The following DCLRE1B variants were observed in gnomAD, a reference collection of about 807,000 sequenced individuals.
The protein encoded by DCLRE1B is 5' exonuclease Apollo.
In DCLRE1B, 6 loss-of-function variants were observed where a neutral mutation model predicts 19.8. The ratio of observed to expected loss-of-function variants is 0.30; its 90% CI spans 0.17 to 0.60. The LOEUF is 0.60. Among genes scored for constraint, DCLRE1B ranks in the 20% least tolerant of loss-of-function variants. DCLRE1B has a pLI of 0.87. For missense variants in DCLRE1B, 622 were observed against 654.2 expected (o/e 0.95, Z 0.54); for synonymous variants, 258 against 255.7 (o/e 1.01, Z -0.09).
At chr1:113,906,874 C>T in intron 1 of DCLRE1B, 122 bp from the exon 2 acceptor site, 1 of 1,061,234 alleles carries the variant, frequency 9.4e-7, no homozygotes, top group Non-Finnish European at 1.4e-6. Context: ...CCCATTACAG[C>T]TTCTGCTCCC....
Position 113,905,327 on chromosome 1 carries a change from C to CT in DCLRE1B, c.-257dup. The CT allele has an allele frequency of 6.1e-6, 3 of 494,748 alleles. No homozygotes were observed. The South Asian group carries it at 7.8e-5, about 13-fold the overall frequency. 30.6% of individuals were successfully genotyped at this position (494,748 alleles called of 1,614,324 possible). ...GCCTGTCTCCTCCCTGCAGCGCGCGCTTTGAGTGCCCGGCTCGGCCTCCGC... is the reference window on the plus strand; with the variant it reads ...GCCTGTCTCCTCCCTGCAGCGCGCGCTTTTGAGTGCCCGGCTCGGCCTCCGC... On this transcript the variant is annotated 5_prime_UTR_variant, in exon 1 of 4. Transcript: ENST00000650450.
In DCLRE1B at chr1:113,913,633, A is replaced by G. The variant is rs768246050; in HGVS notation, c.*1442A>G. ...GAGATTCCTACCTCTCATGATTACT[A>G]TGGAGATTGAATAATTGGTAAAATT... On this transcript the variant is annotated 3_prime_UTR_variant, in exon 4 of 4. Transcript: ENST00000650450. 1.3e-5 allele frequency: 2 copies of G among 152,826 alleles called. No individual in the cohort carries two copies. Among genetic ancestry groups the G allele is most frequent in the Non-Finnish European group, 2.9e-5 (2 of 68,028 alleles). The allele number at this position is 152,826 out of a possible 1,614,324, so 9.5% of individuals were successfully genotyped here.
At position 113,905,683 on chromosome 1, in the gene DCLRE1B, C is replaced by T; in HGVS notation, c.97C>T (p.His33Tyr). The part of the protein sequence containing the change: ...TARLFFLSHM[H>Y]SDHTVGLSST... ...ACGTCTCTTCTTCTTGTCTCACATG[C>T]ACTCGGACCACACCGTGGGCCTGTC... The change falls in exon 1 of 4, where the codon CAC becomes TAC. Residue 33 changes from histidine (H) to tyrosine (Y), a missense_variant. Physicochemically the swap from His to Tyr is moderately conservative, Grantham distance 83. Coordinates refer to ENST00000650450, the MANE Select transcript of DCLRE1B (RefSeq NM_022836.4). 6.2e-7 allele frequency: 1 copy of T among 1,614,190 alleles called. No homozygotes were observed. The highest frequency in any genetic ancestry group is 8.5e-7 in the Non-Finnish European group (1 of 1,180,036).
At position 113,908,401 on chromosome 1, in the gene DCLRE1B, C is replaced by T. The variant is rs150663390; in HGVS notation, c.538+210C>T. Among the ~76,000 whole-genome samples, 429 of 152,268 alleles carry T rather than the reference C, an allele frequency of 2.8e-3. 2 individuals carry two copies. The highest frequency in any genetic ancestry group is 9.5e-3 in the African/African-American group (395 of 41,544). ...GATGGGAGGGTCATTTGAGCCCAGGCGTTTGAGACCAGCTTGGGCAACATG... is the reference window on the plus strand; with the variant it reads ...GATGGGAGGGTCATTTGAGCCCAGGTGTTTGAGACCAGCTTGGGCAACATG... On this transcript the variant is annotated intron_variant, in intron 3 of 3. Coordinates refer to ENST00000650450, the MANE Select transcript of DCLRE1B (RefSeq NM_022836.4).
rs759123178 is a variant in DCLRE1B at position 113,911,569 on chromosome 1, A to T, written c.977A>T (p.Tyr326Phe). ...CTGATTCCGGACTCTGTACAGCAAT[A>T]CATGAGTTCTTCCTCTAGAAAACCA... is the stretch of plus-strand genomic sequence containing the variant. ...VPLIPDSVQQ[Y>F]MSSSSRKPSL... The change falls in exon 4 of 4, where the codon TAC (tyrosine) becomes TTC (phenylalanine). Residue 326 changes from tyrosine to phenylalanine, a missense_variant. This residue lies in a region of DCLRE1B where 382 missense variants were observed against 412.5 expected (regional missense o/e 0.93). Coordinates refer to ENST00000650450, the MANE Select transcript of DCLRE1B (RefSeq NM_022836.4). 5.6e-6 allele frequency: 9 copies of T among 1,603,692 alleles called. No homozygotes were observed. The South Asian group carries it at 1.0e-4, about 18-fold the overall frequency.
Position 113,908,064 on chromosome 1 carries a change from A to G in DCLRE1B, c.411A>G (p.Lys137=). ...AGGAGCCAGCCCTGACACTGGGGAA[A>G]CAGATCCATACTTTATACCTAGACA... ...MLKEPALTLG[K]QIHTLYLDNT... Residue 137 remains lysine (K), a synonymous_variant, in exon 3 of 4, where the codon AAA becomes AAG. Transcript: ENST00000650450. The G allele has an allele frequency of 1.2e-6, 2 of 1,614,190 alleles. No homozygotes were observed. Among genetic ancestry groups the G allele is most frequent in the Non-Finnish European group, 1.7e-6 (2 of 1,180,022 alleles).
Position 113,911,379 on chromosome 1 carries a change from A to G in DCLRE1B, c.787A>G (p.Ser263Gly). ...CCTTCCCACAAGCCGAAAAATCCACAGCTCCCACCCTGATATCCACGTCAT... is the reference window on the plus strand; with the variant it reads ...CCTTCCCACAAGCCGAAAAATCCACGGCTCCCACCCTGATATCCACGTCAT... Reference protein sequence around the residue: ...AILPTSRKIHSSHPDIHVIPY... With the variant: ...AILPTSRKIHGSHPDIHVIPY... Residue 263 changes from serine (S) to glycine (G), a missense_variant, in exon 4 of 4, where the codon AGC becomes GGC. Around this residue, in one of 3 missense-constraint regions of DCLRE1B, gnomAD observed 382 missense variants for 412.5 expected, o/e 0.93. Coordinates refer to ENST00000650450, the MANE Select transcript of DCLRE1B (RefSeq NM_022836.4). 5 of 1,614,114 alleles carry G rather than the reference A, an allele frequency of 3.1e-6. No homozygotes were observed. Among genetic ancestry groups the G allele is most frequent in the Non-Finnish European group, 4.2e-6 (5 of 1,180,012 alleles).
At chr1:113,906,858 G>T in intron 1 of DCLRE1B, 138 bp from the exon 2 acceptor site, 1 of 877,508 alleles carries the variant, frequency 1.1e-6, no homozygotes, top group East Asian at 2.5e-5. Context: ...AGATTGCTTG[G>T]GAATCCCCAT....
Position 113,913,984 on chromosome 1 carries a change from T to C in DCLRE1B, c.*1793T>C, listed in dbSNP as rs1017393133. The C allele has an allele frequency of 4.6e-5, 7 of 152,248 alleles. No individual in the cohort carries two copies. Among genetic ancestry groups the C allele is most frequent in the Non-Finnish European group, 7.3e-5 (5 of 68,038 alleles). 9.4% of individuals were successfully genotyped at this position (152,248 alleles called of 1,614,324 possible). ...AATGCCATTTTTAATATTTGTATAA[T>C]ACCCTATCATGTGAGTATACCTTAA... On this transcript the variant is annotated 3_prime_UTR_variant, in exon 4 of 4. Coordinates refer to ENST00000650450, the MANE Select transcript of DCLRE1B (RefSeq NM_022836.4).
rs970955268 is a variant in DCLRE1B, at chr1:113,908,025, A to G, written c.372A>G (p.Thr124=). The G allele has an allele frequency of 6.2e-7, 1 of 1,613,906 alleles. No homozygotes were observed. Among genetic ancestry groups the G allele is most frequent in the African/African-American group, 1.3e-5 (1 of 75,002 alleles). The change falls in exon 3 of 4, where the codon ACA becomes ACG. Residue 124 remains threonine, a synonymous_variant. Coordinates refer to ENST00000650450, the MANE Select transcript of DCLRE1B (RefSeq NM_022836.4). ...TTCCTCCAGGTGATTTTCGATACAC[A>G]CCATCCATGCTAAAGGAGCCAGCCC... is the stretch of plus-strand genomic sequence containing the variant. ...TILYTGDFRY[T]PSMLKEPALT...
In DCLRE1B at chr1:113,912,811, T is replaced by TTC. The variant is rs1272405483; in HGVS notation, c.*622_*623dup. ...AGAGGTCTTGGAACAGTAGTGAAAATTCTACCTCTATGTCCTTCATGAGGA... is the reference window on the plus strand; with the variant it reads ...AGAGGTCTTGGAACAGTAGTGAAAATTCTCTACCTCTATGTCCTTCATGAGGA... On this transcript the variant is annotated 3_prime_UTR_variant, in exon 4 of 4. Coordinates refer to ENST00000650450, the MANE Select transcript of DCLRE1B (RefSeq NM_022836.4). The TTC allele has an allele frequency of 6.6e-6, 1 of 152,330 alleles. No homozygotes were observed. Among genetic ancestry groups the TTC allele is most frequent in the Non-Finnish European group, 1.5e-5 (1 of 68,060 alleles). The allele number at this position is 152,330 out of a possible 1,614,324, so 9.4% of individuals were successfully genotyped here. A position where few individuals can be genotyped will look rare whatever the true frequency, so the allele number is the denominator to read the frequency against.
At chr1:113,910,959 A>G (rs1471002446) in intron 3 of DCLRE1B, among the ~76,000 whole-genome samples, 172 bp from the exon 4 acceptor site, 1 of 152,106 alleles carries the variant, frequency 6.6e-6, no homozygotes, top group Non-Finnish European at 1.5e-5. Flanking sequence ...ATTCTGTGTC[A>G]TTCCCTTTCA....
Position 113,911,384 on chromosome 1 carries a change from C to T in DCLRE1B, c.792C>T (p.Ser264=). 2 of 1,614,202 alleles carry T rather than the reference C, an allele frequency of 1.2e-6. No homozygotes were observed. Among genetic ancestry groups the T allele is most frequent in the Non-Finnish European group, 1.7e-6 (2 of 1,180,030 alleles). Residue 264 remains serine, a synonymous_variant, in exon 4 of 4, where the codon TCC becomes TCT. Coordinates refer to ENST00000650450, the MANE Select transcript of DCLRE1B (RefSeq NM_022836.4). ...ILPTSRKIHS[S]HPDIHVIPYS... ...CCACAAGCCGAAAAATCCACAGCTC[C>T]CACCCTGATATCCACGTCATCCCTT...
chr1:113,911,257 T>A lies in DCLRE1B; in HGVS notation c.665T>A (p.Val222Glu), dbSNP rs1207484174. 6.2e-7 allele frequency: 1 copy of A among 1,613,984 alleles called. No homozygotes were observed. Among genetic ancestry groups the A allele is most frequent in the African/African-American group, 1.3e-5 (1 of 74,882 alleles). The change falls in exon 4 of 4, where the codon GTG becomes GAG. Residue 222 changes from valine to glutamate, a missense_variant. Val to Glu is a moderately radical substitution (Grantham distance 121, BLOSUM62 -2). Around this residue, in one of 3 missense-constraint regions of DCLRE1B, gnomAD observed 382 missense variants for 412.5 expected, o/e 0.93. Transcript: ENST00000650450. ...QLLGLADVFT[V>E]EEKAGRIHAV... is the part of the protein sequence containing the mutation. ...CTGGGCCTGGCAGATGTGTTCACAGTGGAGGAGAAGGCTGGCCGCATCCAT... is the reference window on the plus strand; with the variant it reads ...CTGGGCCTGGCAGATGTGTTCACAGAGGAGGAGAAGGCTGGCCGCATCCAT...
intron 1 of DCLRE1B, 103 bp downstream of exon 1, chr1:113,905,878 T>G: frequency 1.5e-6 from 2 of 1,364,600 alleles, no homozygotes; most frequent in South Asian, 3.0e-5. Context: ...GAAAACTGAT[T>G]TGGAAGTTGT....
Position 113,911,319 on chromosome 1 carries a change from C to G in DCLRE1B, c.727C>G (p.Leu243Val), listed in dbSNP as rs1669244639. 1 of 1,614,046 alleles carries G rather than the reference C, an allele frequency of 6.2e-7. No individual in the cohort carries two copies. The highest frequency in any genetic ancestry group is 1.7e-5 in the Admixed American group (1 of 59,992). The change falls in exon 4 of 4, where the codon CTG becomes GTG. Residue 243 changes from leucine to valine, a missense_variant. Physicochemically the swap from Leu to Val is conservative, Grantham distance 32 (BLOSUM62 1). This residue lies in a region of DCLRE1B where 382 missense variants were observed against 412.5 expected (regional missense o/e 0.93). Transcript: ENST00000650450. ...TATGGAGATCTGCCATTCCAACATG[C>G]TGCGTTGGAACCAGACCCACCCTAC... ...DHMEICHSNM[L>V]RWNQTHPTIA...
chr1:113,911,116 T>C lies in DCLRE1B; in HGVS notation c.539-15T>C, dbSNP rs1669234585. The C allele has an allele frequency of 6.9e-6, 11 of 1,595,810 alleles. No homozygotes were observed. The highest frequency in any genetic ancestry group is 9.4e-6 in the Non-Finnish European group (11 of 1,171,468). Reference sequence around the variant, plus strand: ...TCCTTCTCTTACTTTCCCCAATACATTGAACATTATTTAGGACTCTACAGC... The same window carrying C: ...TCCTTCTCTTACTTTCCCCAATACACTGAACATTATTTAGGACTCTACAGC... On this transcript the variant is annotated splice_polypyrimidine_tract_variant and intron_variant, in intron 3 of 3. Coordinates refer to ENST00000650450, the MANE Select transcript of DCLRE1B (RefSeq NM_022836.4).
rs1669318015 is a variant in DCLRE1B, at chr1:113,912,847, C to T, written c.*656C>T. The T allele has an allele frequency of 6.6e-6, 1 of 152,362 alleles. No individual in the cohort carries two copies. The highest frequency in any genetic ancestry group is 2.1e-4 in the South Asian group (1 of 4,818). 9.4% of individuals were successfully genotyped at this position (152,362 alleles called of 1,614,324 possible). A position where few individuals can be genotyped will look rare whatever the true frequency, so the allele number is the denominator to read the frequency against. On this transcript the variant is annotated 3_prime_UTR_variant, in exon 4 of 4. Transcript: ENST00000650450. Reference sequence around the variant, plus strand: ...TGTCCTTCATGAGGATGTGCAGTATCCCAGTATCACTGGGATCCATGTGGA... The same window carrying T: ...TGTCCTTCATGAGGATGTGCAGTATTCCAGTATCACTGGGATCCATGTGGA...
intron 1 of DCLRE1B, among the ~76,000 whole-genome samples, chr1:113,906,600 C>T (rs534101213): frequency 3.3e-5 from 5 of 151,908 alleles, no homozygotes; most frequent in Admixed American, 6.6e-5. Flanking sequence ...ACGCCATTCT[C>T]CTGCCTCAGC....
Sources: gnomAD v4.1 joint callset for allele counts (sites outside exome capture counted in the v4.1 genomes callset) on GRCh38, gnomAD v4.1.1 for gene constraint, gnomAD v4.1.1 regional missense constraint, MANE v1.5 for transcripts, NCBI Gene and HGNC (gene_info 2026-07-23, HGNC 2026-07-21) for gene names.